PDIA3: variants seen among roughly 807,000 people sequenced by gnomAD.
PDIA3 encodes protein disulfide-isomerase A3.
In PDIA3, 16 loss-of-function variants were observed where a neutral mutation model predicts 56.9. That is an observed-to-expected ratio of 0.28 (90% CI 0.19 to 0.43). The LOEUF (loss-of-function observed/expected upper bound fraction) is 0.43. Among genes scored for constraint, PDIA3 ranks in the 20% least tolerant of loss-of-function variants. The pLI is 1.00. For synonymous variants in PDIA3, 192 were observed against 216.5 expected (o/e 0.89, Z 0.99); for missense variants, 485 against 621.3 (o/e 0.78, Z 2.33).
At chr15:43,758,606 C>A (rs951674448) in intron 3 of PDIA3, among the ~76,000 whole-genome samples, 2 of 148,690 alleles carry the variant, frequency 1.3e-5, no homozygotes, top group African/African-American at 5.0e-5. Context: ...TGTAGTGAGT[C>A]GAGATCGGGC....
Position 43,771,047 on chromosome 15 carries a change from GGGGCAGATCA to G in PDIA3, c.1405-54_1405-45del. 5 of 1,078,396 alleles carry G rather than the reference GGGGCAGATCA, an allele frequency of 4.6e-6. No homozygotes were observed. The South Asian group carries it at 5.4e-5, about 12-fold the overall frequency. 66.8% of individuals were successfully genotyped at this position (1,078,396 alleles called of 1,614,324 possible). ...AACTCAGAAGTCTTCCTGTTTGGGT[GGGGCAGATCA>G]GGGTTCTTTAAAAAGTTACACTTTT... On this transcript the variant is annotated intron_variant, in intron 12 of 12. Transcript: ENST00000300289.
intron 3 of PDIA3, among the ~76,000 whole-genome samples, chr15:43,759,693 A>C (rs139341941): frequency 2.8e-4 from 42 of 152,358 alleles, no homozygotes; most frequent in African/African-American, 1.0e-3. Flanking sequence ...CCAGTGGAAG[A>C]TTATTCAGCC....
intron 2 of PDIA3, among the ~76,000 whole-genome samples, chr15:43,754,712 TAAAAA>T (rs575346705): frequency 7.2e-6 from 1 of 138,250 alleles, no homozygotes; most frequent in Non-Finnish European, 1.6e-5. Context: ...CCCTGTCTCT[TAAAAA>T]AAAAAAAAAA....
Position 43,766,866 on chromosome 15 carries a change from C to G in PDIA3, c.984C>G (p.Ile328Met). 6.2e-7 allele frequency: 1 copy of G among 1,614,064 alleles called. No homozygotes were observed. Among genetic ancestry groups the G allele is most frequent in the Non-Finnish European group, 8.5e-7 (1 of 1,179,948 alleles). ...CTGGAGAGATTCCTGTTGTTGCTAT[C>G]AGAACTGCTAAAGGAGAGAAGTTTG... is the stretch of plus-strand genomic sequence containing the variant. ...STAGEIPVVA[I>M]RTAKGEKFVM... Residue 328 changes from isoleucine to methionine, a missense_variant, in exon 8 of 13, where the codon ATC becomes ATG. Coordinates refer to ENST00000300289, the MANE Select transcript of PDIA3 (RefSeq NM_005313.5).
intron 3 of PDIA3, 134 bp from the exon 4 acceptor site, chr15:43,761,290 G>T: frequency 2.1e-6 from 1 of 472,572 alleles, no homozygotes; most frequent in Non-Finnish European, 3.9e-6. Flanking sequence ...GAAACTGGGT[G>T]ACTAGGGACA....
chr15:43,764,961 A>T (rs546693091), intron 5 of PDIA3, among the ~76,000 whole-genome samples: 1 of 152,324 alleles, frequency 6.6e-6, no homozygotes, highest in East Asian at 1.9e-4. Context: ...TATTGCACTT[A>T]AGATTAAGGT....
At chr15:43,765,752 G>GTA (rs1237534681) in intron 6 of PDIA3, 135 bp from the exon 7 acceptor site, 8 of 953,748 alleles carry the variant, frequency 8.4e-6, no homozygotes, top group Non-Finnish European at 1.3e-5. Flanking sequence ...ATCCTGTAAG[G>GTA]TATATATTGC....
chr15:43,756,140 G>A (rs2141648009), intron 2 of PDIA3, among the ~76,000 whole-genome samples: 1 of 152,182 alleles, frequency 6.6e-6, no homozygotes, highest in Middle Eastern at 3.4e-3. Flanking sequence ...TCACTAGATC[G>A]GTTATGTTAT....
intron 2 of PDIA3, among the ~76,000 whole-genome samples, chr15:43,755,074 C>G (rs911045093): frequency 1.3e-5 from 2 of 151,208 alleles, no homozygotes; most frequent in African/African-American, 2.5e-5. Context: ...GCCTGTAATC[C>G]CAGCACTTTG....
rs1471715872 is a variant in PDIA3, at chr15:43,773,192, C to T, written c.*1974C>T. 6.2e-7 allele frequency: 1 copy of T among 1,614,042 alleles called. No homozygotes were observed. The highest frequency in any genetic ancestry group is 8.5e-7 in the Non-Finnish European group (1 of 1,179,988). On this transcript the variant is annotated 3_prime_UTR_variant, in exon 13 of 13. Transcript: ENST00000300289. Reference sequence around the variant, plus strand: ...GGACAATTTCTGGTGAAGGTACTCACAGCGACGCTTTTCTTCTCTGTAACT... The same window carrying T: ...GGACAATTTCTGGTGAAGGTACTCATAGCGACGCTTTTCTTCTCTGTAACT...
intron 8 of PDIA3, 81 bp downstream of exon 8, chr15:43,766,991 A>G (rs1316712939): frequency 1.6e-6 from 2 of 1,244,584 alleles, no homozygotes; most frequent in Non-Finnish European, 1.2e-6. Flanking sequence ...AAGAACAATA[A>G]CCCTGGAATG....
chr15:43,760,862 T>C (rs1210293913), intron 3 of PDIA3, among the ~76,000 whole-genome samples: 3 of 151,726 alleles, frequency 2.0e-5, no homozygotes, highest in Non-Finnish European at 4.4e-5. Flanking sequence ...TAAAAAACGC[T>C]ATGCCACTGT....
chr15:43,766,844 G>A lies in PDIA3; in HGVS notation c.962G>A (p.Gly321Glu). 6.2e-7 allele frequency: 1 copy of A among 1,613,974 alleles called. No individual in the cohort carries two copies. The highest frequency in any genetic ancestry group is 1.1e-5 in the South Asian group (1 of 91,078). ...GATTTTGGCTTGGAGAGCACTGCTGGAGAGATTCCTGTTGTTGCTATCAGA... is the reference window on the plus strand; with the variant it reads ...GATTTTGGCTTGGAGAGCACTGCTGAAGAGATTCCTGTTGTTGCTATCAGA... Reference protein sequence around the residue: ...LSDFGLESTAGEIPVVAIRTA... With the variant: ...LSDFGLESTAEEIPVVAIRTA... Residue 321 changes from glycine (G) to glutamate (E), a missense_variant, in exon 8 of 13, where the codon GGA becomes GAA. Transcript: ENST00000300289.
At chr15:43,748,110 A>G (rs2086718660) in intron 1 of PDIA3, among the ~76,000 whole-genome samples, 1 of 152,160 alleles carries the variant, frequency 6.6e-6, no homozygotes, top group Non-Finnish European at 1.5e-5. Flanking sequence ...GATGCTTTTT[A>G]CTACAGGGGT....
intron 6 of PDIA3, 22 bp downstream of exon 6, chr15:43,765,588 G>A: frequency 1.5e-6 from 2 of 1,351,634 alleles, no homozygotes; most frequent in Non-Finnish European, 2.1e-6. Context: ...TTTGTATCTT[G>A]TCTGGGATTT....
intron 10 of PDIA3, 131 bp from the exon 11 acceptor site, chr15:43,770,119 A>G: frequency 1.4e-6 from 1 of 694,928 alleles, no homozygotes; most frequent in Non-Finnish European, 2.5e-6. Flanking sequence ...ACAGGTGCGC[A>G]CCACCACACC....
intron 3 of PDIA3, among the ~76,000 whole-genome samples, chr15:43,761,026 C>T (rs1393848138): frequency 6.6e-6 from 1 of 150,768 alleles, no homozygotes; most frequent in African/African-American, 2.4e-5. Flanking sequence ...GATCAAAGGT[C>T]AGGAGATCGA....
intron 4 of PDIA3, 93 bp downstream of exon 4, chr15:43,761,624 A>C: frequency 1.4e-6 from 1 of 700,664 alleles, no homozygotes. Context: ...AAAGCAGTTA[A>C]GGAAACCTTG....
At chr15:43,751,930 C>G (rs1173168622) in intron 1 of PDIA3, among the ~76,000 whole-genome samples, 1 of 152,188 alleles carries the variant, frequency 6.6e-6, no homozygotes, top group Non-Finnish European at 1.5e-5. Context: ...TCAGCCTTGA[C>G]AACTACTATA....
Sources: gnomAD v4.1 joint callset for allele counts (sites outside exome capture counted in the v4.1 genomes callset) on GRCh38, gnomAD v4.1.1 for gene constraint, MANE v1.5 for transcripts, NCBI Gene and HGNC (gene_info 2026-07-23, HGNC 2026-07-21) for gene names.